The following METTL15 variants were observed in gnomAD, a reference collection of about 807,000 sequenced individuals.
The protein encoded by METTL15 is methyltransferase 15, mitochondrial 12S rRNA N4-cytidine.
A neutral mutation model predicts 38.3 loss-of-function variants in METTL15; 34 were observed. That is an observed-to-expected ratio of 0.89 (90% CI 0.68 to 1.18). The LOEUF is 1.18. METTL15 is among the 50% of genes most tolerant of loss of function. METTL15 has a pLI of 0.00. For missense variants in METTL15, 438 were observed against 498.4 expected (o/e 0.88, Z 1.15); for synonymous variants, 162 against 170.9 (o/e 0.95, Z 0.41).
At chr11:28,181,910 C>G (rs1213041351) in intron 3 of METTL15, among the ~76,000 whole-genome samples, 1 of 152,152 alleles carries the variant, frequency 6.6e-6, no homozygotes, top group Non-Finnish European at 1.5e-5. Context: ...CACATCCTCT[C>G]CAGCATCTGT....
At chr11:28,197,445 T>C (rs1245258729) in intron 3 of METTL15, 1 of 362,932 alleles carries the variant, frequency 2.8e-6, no homozygotes. Context: ...TTTCAGATTT[T>C]GTTCATGTGT....
intron 6 of METTL15, among the ~76,000 whole-genome samples, chr11:28,436,977 C>T (rs1011602168): frequency 1.3e-5 from 2 of 152,122 alleles, no homozygotes; most frequent in South Asian, 2.1e-4. Context: ...CAGAAGAAGG[C>T]GGGTGAAGCT....
intron 5 of METTL15, among the ~76,000 whole-genome samples, chr11:28,396,772 C>T (rs1850574121): frequency 6.6e-6 from 1 of 152,086 alleles, no homozygotes; most frequent in Non-Finnish European, 1.5e-5. Context: ...AAAAAGAGCC[C>T]TCATTGCCAA....
At chr11:28,457,561 T>A (rs1851179480) in intron 6 of METTL15, among the ~76,000 whole-genome samples, 1 of 152,222 alleles carries the variant, frequency 6.6e-6, no homozygotes, top group Admixed American at 6.5e-5. Context: ...CTGAAGCTTT[T>A]AGATGCTACG....
At chr11:28,181,332 C>A (rs144493210) in intron 3 of METTL15, among the ~76,000 whole-genome samples, 1 of 137,650 alleles carries the variant, frequency 7.3e-6, no homozygotes, top group Non-Finnish European at 1.5e-5. Context: ...TAGGTATATA[C>A]GTGCCATGGT....
intron 4 of METTL15, among the ~76,000 whole-genome samples, chr11:28,236,848 C>T (rs956232505): frequency 6.6e-6 from 1 of 152,100 alleles, no homozygotes. Flanking sequence ...TTTTATTTCT[C>T]CTTCAATTAT....
intron 5 of METTL15, among the ~76,000 whole-genome samples, chr11:28,401,561 C>T (rs950265427): frequency 6.6e-6 from 1 of 151,662 alleles, no homozygotes; most frequent in South Asian, 2.1e-4. Flanking sequence ...TTCTTCTTTT[C>T]GATGAGGATT....
At chr11:28,370,197 A>G (rs1315774713) in intron 5 of METTL15, among the ~76,000 whole-genome samples, 3 of 152,086 alleles carry the variant, frequency 2.0e-5, no homozygotes, top group South Asian at 4.1e-4. Flanking sequence ...CCATTAATCA[A>G]CCACACTTCA....
intron 3 of METTL15, chr11:28,164,255 G>A (rs986735388): frequency 7.9e-5 from 12 of 152,056 alleles, no homozygotes; most frequent in Admixed American, 1.3e-4. Flanking sequence ...ACATTAGGAA[G>A]TGATGTTATC....
At chr11:28,482,620 A>G (rs546291874) in intron 6 of METTL15, among the ~76,000 whole-genome samples, 3 of 152,294 alleles carry the variant, frequency 2.0e-5, no homozygotes, top group South Asian at 2.1e-4. Context: ...GAGGAAGGTA[A>G]AGCTCAGATG....
intron 6 of METTL15, among the ~76,000 whole-genome samples, chr11:28,434,370 G>A (rs1460892908): frequency 1.3e-5 from 2 of 152,128 alleles, no homozygotes; most frequent in East Asian, 1.9e-4. Context: ...GTCTTTATTA[G>A]CAGTGTGAGA....
At chr11:28,348,168 T>C (rs1029587151) in intron 3 of METTL15, among the ~76,000 whole-genome samples, 1 of 152,236 alleles carries the variant, frequency 6.6e-6, no homozygotes. Flanking sequence ...ATGTTTTGAA[T>C]GGAGATACTT....
At chr11:28,147,351 A>C (rs1237083030) in intron 3 of METTL15, among the ~76,000 whole-genome samples, 1 of 151,886 alleles carries the variant, frequency 6.6e-6, no homozygotes, top group Non-Finnish European at 1.5e-5. Context: ...ATCTAGTTAC[A>C]GAGTAGACAA....
intron 6 of METTL15, among the ~76,000 whole-genome samples, chr11:28,301,059 G>T (rs1412672489): frequency 6.6e-6 from 1 of 152,132 alleles, no homozygotes; most frequent in Non-Finnish European, 1.5e-5. Flanking sequence ...AGAAAGGATA[G>T]ATTTCTTAGA....
At chr11:28,444,183 A>G (rs1851057241) in intron 6 of METTL15, among the ~76,000 whole-genome samples, 2 of 152,160 alleles carry the variant, frequency 1.3e-5, no homozygotes, top group African/African-American at 4.8e-5. Context: ...AAGTTGCTCA[A>G]CCCTTATAGT....
At chr11:28,443,670 A>G (rs1851053381) in intron 6 of METTL15, among the ~76,000 whole-genome samples, 1 of 152,156 alleles carries the variant, frequency 6.6e-6, no homozygotes, top group East Asian at 1.9e-4. Context: ...CCAGTTGCTT[A>G]GGCCAAAAGA....
chr11:28,260,524 C>G (rs1303300795), intron 4 of METTL15, among the ~76,000 whole-genome samples: 4 of 152,174 alleles, frequency 2.6e-5, no homozygotes, highest in Non-Finnish European at 5.9e-5. Context: ...TTTACTTCTT[C>G]CCTCTGTTTT....
intron 3 of METTL15, among the ~76,000 whole-genome samples, chr11:28,182,802 G>A (rs1370048306): frequency 6.6e-6 from 1 of 152,086 alleles, no homozygotes; most frequent in Non-Finnish European, 1.5e-5. Context: ...GAAAGTCAGT[G>A]GTAGCTTGAT....
intron 6 of METTL15, among the ~76,000 whole-genome samples, chr11:28,506,953 C>A (rs1851633230): frequency 6.6e-6 from 1 of 151,994 alleles, no homozygotes; most frequent in Non-Finnish European, 1.5e-5. Context: ...CTATGTTAGA[C>A]AGGCTGGTCT....
Sources: allele counts gnomAD v4.1 joint callset (sites outside exome capture counted in the v4.1 genomes callset), GRCh38; gene constraint gnomAD v4.1.1; transcripts MANE v1.5; gene names NCBI Gene and HGNC (gene_info 2026-07-23, HGNC 2026-07-21).